The following FLNB variants were observed in gnomAD, a reference collection of about 807,000 sequenced individuals.
FLNB encodes filamin-B.
Under a neutral mutation model 250.6 loss-of-function variants are expected in FLNB, and 111 were observed. That is an observed-to-expected ratio of 0.44 (90% CI 0.38 to 0.52). The LOEUF (loss-of-function observed/expected upper bound fraction) is 0.52, where lower values mean the gene tolerates loss of function less well. FLNB is among the 20% of genes least tolerant of loss of function. The pLI is 0.00. For missense variants in FLNB, 2,869 were observed against 3,447.8 expected (o/e 0.83, Z 4.20); for synonymous variants, 1,302 against 1,372.1 (o/e 0.95, Z 1.13).
chr3:58,100,593 T>C (rs1032040713), intron 8 of FLNB, among the ~76,000 whole-genome samples: 16 of 137,488 alleles, frequency 1.2e-4, no homozygotes, highest in African/African-American at 4.0e-4. Context: ...CTTTTTCTTT[T>C]TTTTTTTGTT....
chr3:58,130,280 G>A (rs888841909), intron 24 of FLNB, among the ~76,000 whole-genome samples: 8 of 152,050 alleles, frequency 5.3e-5, no homozygotes, highest in African/African-American at 1.2e-4. Flanking sequence ...CTCCTCCCTC[G>A]CCTCTAGGCT....
chr3:58,017,453 A>G (rs2097107349), intron 1 of FLNB, among the ~76,000 whole-genome samples: 2 of 152,102 alleles, frequency 1.3e-5, no homozygotes, highest in East Asian at 1.9e-4. Context: ...AGGTTTCTCC[A>G]TGTTGGTCAG....
chr3:58,032,211 G>A (rs1412283543), intron 1 of FLNB, among the ~76,000 whole-genome samples: 2 of 152,172 alleles, frequency 1.3e-5, no homozygotes, highest in Non-Finnish European at 2.9e-5. Context: ...GGGATTACAA[G>A]TATGAGCCAC....
In FLNB at chr3:58,052,462, G is replaced by A. The variant is rs188600512; in HGVS notation, c.293-24584G>A. Among the ~76,000 whole-genome samples, 12 of 152,256 alleles carry A rather than the reference G, an allele frequency of 7.9e-5. No homozygotes were observed. The East Asian group carries it at 2.1e-3, about 27-fold the overall frequency. On this transcript the variant is annotated intron_variant, in intron 1 of 45. Coordinates refer to ENST00000295956, the MANE Select transcript of FLNB (RefSeq NM_001457.4). ...TGGATGGATTTGATTGTTAACAATG[G>A]CTGAGTCATGTGGCACCCAGCCCGG...
intron 1 of FLNB, among the ~76,000 whole-genome samples, chr3:58,024,320 G>A (rs1437729608): frequency 2.6e-5 from 4 of 152,174 alleles, no homozygotes; most frequent in Non-Finnish European, 4.4e-5. Context: ...CCTTACTGGC[G>A]TTATCGAAGA....
At chr3:58,121,907 T>C (rs961565284) in intron 20 of FLNB, among the ~76,000 whole-genome samples, 1 of 152,090 alleles carries the variant, frequency 6.6e-6, no homozygotes, top group Non-Finnish European at 1.5e-5. Context: ...CGGTGGCTCA[T>C]GCCTGTAATC....
At chr3:58,038,995 G>A (rs1203353166) in intron 1 of FLNB, among the ~76,000 whole-genome samples, 3 of 151,376 alleles carry the variant, frequency 2.0e-5, no homozygotes, top group African/African-American at 7.3e-5. Context: ...GGGAGGCTAA[G>A]GTGGGAGGGT....
At chr3:58,104,404 T>C (rs1369692683) in intron 10 of FLNB, among the ~76,000 whole-genome samples, 1 of 152,210 alleles carries the variant, frequency 6.6e-6, no homozygotes, top group Non-Finnish European at 1.5e-5. Flanking sequence ...TCTTTTTCAA[T>C]GAACTCCTTT....
At chr3:58,038,106 T>C (rs1179086583) in intron 1 of FLNB, among the ~76,000 whole-genome samples, 1 of 152,072 alleles carries the variant, frequency 6.6e-6, no homozygotes, top group African/African-American at 2.4e-5. Context: ...CTCGGCTCAT[T>C]GCAGCATTTG....
chr3:58,142,192 G>A lies in FLNB; in HGVS notation c.5181+263G>A, dbSNP rs916079944. ...GTTTGTCTCTGTGTTTAAAGAGAAAGACAGACAGCTGTCTGCAGCCCTCCT... is the reference window on the plus strand; with the variant it reads ...GTTTGTCTCTGTGTTTAAAGAGAAAAACAGACAGCTGTCTGCAGCCCTCCT... On this transcript the variant is annotated intron_variant, in intron 30 of 45. Coordinates refer to ENST00000295956, the MANE Select transcript of FLNB (RefSeq NM_001457.4). The surrounding 1 kb of genome is among the most constrained non-coding windows in gnomAD (Gnocchi z 4.3). 6.6e-6 allele frequency among the ~76,000 whole-genome samples: 1 copy of A among 152,226 alleles called. No homozygotes were observed. The highest frequency in any genetic ancestry group is 2.4e-5 in the African/African-American group (1 of 41,446).
intron 1 of FLNB, among the ~76,000 whole-genome samples, chr3:58,070,324 G>A (rs1041102297): frequency 1.4e-4 from 21 of 152,026 alleles, no homozygotes; most frequent in Non-Finnish European, 2.5e-4. Flanking sequence ...GATTACAGGC[G>A]TGAGCCACTG....
intron 8 of FLNB, 29 bp downstream of exon 8, chr3:58,098,937 C>T (rs1553695902): frequency 5.0e-6 from 8 of 1,598,688 alleles, no homozygotes; most frequent in Middle Eastern, 1.9e-4. Context: ...GCCACATGTG[C>T]TTCTCATAGG....
chr3:58,077,376 C>T, intron 2 of FLNB, 82 bp downstream of exon 2: 2 of 1,511,438 alleles, frequency 1.3e-6, no homozygotes, highest in African/African-American at 1.4e-5. Flanking sequence ...AACGGGAATG[C>T]TATCTTTGCT....
intron 22 of FLNB, among the ~76,000 whole-genome samples, chr3:58,125,300 T>G (rs1218238885): frequency 6.6e-6 from 1 of 152,016 alleles, no homozygotes; most frequent in East Asian, 1.9e-4. Context: ...ACTCAGCTAA[T>G]TTTTGTATTT....
intron 8 of FLNB, among the ~76,000 whole-genome samples, chr3:58,100,589 C>CTTTTTCT (rs2097249160): frequency 8.0e-6 from 1 of 124,964 alleles, no homozygotes; most frequent in African/African-American, 3.2e-5. Flanking sequence ...TTTTCTTTTT[C>CTTTTTCT]TTTTTTTTTT....
At position 58,105,160 on chromosome 3, in the gene FLNB, T is replaced by C. The variant is rs1406398005; in HGVS notation, c.1691T>C (p.Val564Ala). The stretch of plus-strand genomic sequence containing the variant: ...GGCCCTGGGCTCCATGGTGGGATTG[T>C]CGGGCGGTCAGCGGACTTCGTGGTA... ...AWGPGLHGGI[V>A]GRSADFVVES... is the part of the protein sequence containing the mutation. Residue 564 changes from valine to alanine, a missense_variant, in exon 11 of 46, where the codon GTC (valine) becomes GCC (alanine). Physicochemically the swap from Val to Ala is moderately conservative, Grantham distance 64. Transcript: ENST00000295956. 2 of 1,614,120 alleles carry C rather than the reference T, an allele frequency of 1.2e-6. No individual in the cohort carries two copies. The highest frequency in any genetic ancestry group is 2.2e-5 in the East Asian group (1 of 44,902).
At position 58,121,476 on chromosome 3, in the gene FLNB, G is replaced by A. The variant is rs1435680468; in HGVS notation, c.3099G>A (p.Glu1033=). 3 of 1,614,102 alleles carry A rather than the reference G, an allele frequency of 1.9e-6. No individual in the cohort carries two copies. The highest frequency in any genetic ancestry group is 2.2e-5 in the East Asian group (1 of 44,890). ...HPVPGSPYTV[E]ASLPPDPSKV... ...TGCCCGGGAGCCCCTACACAGTGGAGGCCTCGCTGCCACCAGATCCCAGCA... is the reference window on the plus strand; with the variant it reads ...TGCCCGGGAGCCCCTACACAGTGGAAGCCTCGCTGCCACCAGATCCCAGCA... Residue 1033 remains glutamate (E), a synonymous_variant, in exon 20 of 46, where the codon GAG becomes GAA. Coordinates refer to ENST00000295956, the MANE Select transcript of FLNB (RefSeq NM_001457.4).
chr3:58,098,592 C>G (rs1009586374), intron 7 of FLNB, 119 bp from the exon 8 acceptor site: 55 of 924,266 alleles, frequency 6.0e-5, no homozygotes, highest in Non-Finnish European at 8.1e-5. Context: ...CTCGGCCTCT[C>G]GAAGTGCTGG....
chr3:58,145,666 C>T (rs1427614324), intron 32 of FLNB, among the ~76,000 whole-genome samples: 4 of 152,218 alleles, frequency 2.6e-5, no homozygotes, highest in Non-Finnish European at 5.9e-5. Context: ...ACCTTAGCCC[C>T]CTTCCTCATC....
Sources: allele counts gnomAD v4.1 joint callset (sites outside exome capture counted in the v4.1 genomes callset), GRCh38; gene constraint gnomAD v4.1.1; non-coding constraint Gnocchi (gnomAD v3.1); transcripts MANE v1.5; gene names NCBI Gene and HGNC (gene_info 2026-07-23, HGNC 2026-07-21).